Variants in HAPLN3 observed in about 807,000 individuals in gnomAD.
HAPLN3 encodes hyaluronan and proteoglycan link protein 3.
Under a neutral mutation model 28.1 loss-of-function variants are expected in HAPLN3, and 28 were observed. The ratio of observed to expected loss-of-function variants is 1.00; its 90% CI spans 0.74 to 1.37. HAPLN3 has a LOEUF of 1.37. Among genes scored for constraint, HAPLN3 ranks in the 40% most tolerant of loss-of-function variants. The pLI is 0.00. For synonymous variants in HAPLN3, 211 were observed against 213.1 expected, an observed-to-expected ratio of 0.99 and a Z score of 0.09; for missense variants, 513 against 504.6, an observed-to-expected ratio of 1.02 and a Z score of -0.16.
chr15:88,892,104 C>T (rs1400458560), intron 1 of HAPLN3, among the ~76,000 whole-genome samples: 1 of 152,196 alleles, frequency 6.6e-6, no homozygotes, highest in Non-Finnish European at 1.5e-5. Context: ...AGTAACACCT[C>T]TTTGTTGGAT....
At chr15:88,894,875 G>C (rs948210835) in intron 1 of HAPLN3, among the ~76,000 whole-genome samples, 1 of 152,128 alleles carries the variant, frequency 6.6e-6, no homozygotes, top group Non-Finnish European at 1.5e-5. Context: ...TTCTGGCCTC[G>C]CTGTCCCTGG....
chr15:88,895,285 C>T lies in HAPLN3; in HGVS notation c.-48+174G>A, dbSNP rs1286378521. Among the ~76,000 whole-genome samples the T allele has an allele frequency of 2.0e-5, 3 of 152,204 alleles. No individual in the cohort carries two copies. Among genetic ancestry groups the T allele is most frequent in the East Asian group, 3.9e-4 (2 of 5,180 alleles). On this transcript the variant is annotated intron_variant, in intron 1 of 4. Coordinates refer to ENST00000359595, the MANE Select transcript of HAPLN3 (RefSeq NM_178232.4). The surrounding 1 kb of genome is among the most constrained non-coding windows in gnomAD (Gnocchi z 5.5). ...CCACTTGTGCCCCGGGCGCCCCTCG[C>T]CCGCGATCACAGCCCATCTCAGCCC... is the stretch of plus-strand genomic sequence containing the variant.
Position 88,880,238 on chromosome 15 carries a change from C to A in HAPLN3, c.494-969G>T. The A allele has an allele frequency of 1.0e-6, 1 of 1,004,382 alleles. No individual in the cohort carries two copies. Among genetic ancestry groups the A allele is most frequent in the African/African-American group, 1.7e-5 (1 of 57,654 alleles). The allele number at this position is 1,004,382 out of a possible 1,614,324, so 62.2% of individuals were successfully genotyped here. A position where few individuals can be genotyped will look rare whatever the true frequency, so the allele number is the denominator to read the frequency against. On this transcript the variant is annotated intron_variant, in intron 3 of 4. Coordinates refer to ENST00000359595, the MANE Select transcript of HAPLN3 (RefSeq NM_178232.4). This position sits in a 1 kb window ranked among gnomAD's most constrained non-coding sequence, Gnocchi z 6.0. ...GGAATGGGGTGAGGGCTCCCTGTTTCTCTAGGCTGCCCCTGCAGACCCCAG... is the reference window on the plus strand; with the variant it reads ...GGAATGGGGTGAGGGCTCCCTGTTTATCTAGGCTGCCCCTGCAGACCCCAG...
rs1182418452 is a variant in HAPLN3 at position 88,881,942 on chromosome 15, C to T, written c.125-217G>A. 1.3e-5 allele frequency among the ~76,000 whole-genome samples: 2 copies of T among 152,186 alleles called. No individual in the cohort carries two copies. Among genetic ancestry groups the T allele is most frequent in the Non-Finnish European group, 2.9e-5 (2 of 68,030 alleles). On this transcript the variant is annotated intron_variant, in intron 2 of 4. Transcript: ENST00000359595. This position sits in a 1 kb window ranked among gnomAD's most constrained non-coding sequence, Gnocchi z 6.0. Reference sequence around the variant, plus strand: ...ATTCCCCCACCCCCTTGAATCTGTGCTGGCCTTGCCACTTGCTTGACCAAC... The same window carrying T: ...ATTCCCCCACCCCCTTGAATCTGTGTTGGCCTTGCCACTTGCTTGACCAAC...
rs570089868 is a variant in HAPLN3 at position 88,886,982 on chromosome 15, G to C, written c.124+193C>G. 5.3e-5 allele frequency among the ~76,000 whole-genome samples: 8 copies of C among 152,278 alleles called. No individual in the cohort carries two copies. In the South Asian group the frequency reaches 1.4e-3, roughly 28 times the overall value. On this transcript the variant is annotated intron_variant, in intron 2 of 4. Transcript: ENST00000359595. Reference sequence around the variant, plus strand: ...GCCTAAGTGAATTGGGCCCCATGACGAAGGGGCTGGCGAACACAGGAAAAT... The same window carrying C: ...GCCTAAGTGAATTGGGCCCCATGACCAAGGGGCTGGCGAACACAGGAAAAT...
Position 88,887,386 on chromosome 15 carries a change from C to T in HAPLN3, c.-47-41G>A, listed in dbSNP as rs537375803. 6.5e-6 allele frequency: 10 copies of T among 1,539,484 alleles called. No individual in the cohort carries two copies. The East Asian group carries it at 2.2e-4, about 33-fold the overall frequency. On this transcript the variant is annotated intron_variant, in intron 1 of 4. Transcript: ENST00000359595. The stretch of plus-strand genomic sequence containing the variant: ...AAACAAGGCAATTAGAAAAGCCTGG[C>T]TTCCAGGGCCCACATCCCCTCTGCT...
chr15:88,884,768 C>G (rs181790210), intron 2 of HAPLN3, among the ~76,000 whole-genome samples: 40 of 151,778 alleles, frequency 2.6e-4, no homozygotes, highest in Non-Finnish European at 1.0e-4. Flanking sequence ...AATGCAAATG[C>G]GCAAGTACCT....
chr15:88,892,528 A>G (rs1004998162), intron 1 of HAPLN3, among the ~76,000 whole-genome samples: 8 of 152,116 alleles, frequency 5.3e-5, no homozygotes, highest in African/African-American at 1.9e-4. Context: ...ACAAAAGGCC[A>G]GGAGGAAGCT....
intron 2 of HAPLN3, among the ~76,000 whole-genome samples, chr15:88,882,476 C>G (rs1897732266): frequency 2.0e-5 from 3 of 152,236 alleles, no homozygotes; most frequent in Non-Finnish European, 4.4e-5. Flanking sequence ...TCTGGTCCAG[C>G]TGTCCACCAT....
rs1170207299 is a variant in HAPLN3 at position 88,878,169 on chromosome 15, T to A, written c.884A>T (p.Lys295Met). The A allele has an allele frequency of 1.2e-6, 2 of 1,614,184 alleles. No homozygotes were observed. Among genetic ancestry groups the A allele is most frequent in the South Asian group, 2.2e-5 (2 of 91,082 alleles). ...ACQEDDATIA[K>M]VGQLFAAWKF... ...CCAGGCGGCAAAGAGCTGTCCCACCTTGGCGATCGTGGCATCATCTTCCTG... is the reference window on the plus strand; with the variant it reads ...CCAGGCGGCAAAGAGCTGTCCCACCATGGCGATCGTGGCATCATCTTCCTG... The change falls in exon 5 of 5, where the codon AAG becomes ATG. Residue 295 changes from lysine (K) to methionine (M), a missense_variant. Lys to Met is a moderately conservative substitution (Grantham distance 95). Transcript: ENST00000359595.
At chr15:88,893,715 G>T (rs1461334045) in intron 1 of HAPLN3, among the ~76,000 whole-genome samples, 2 of 151,996 alleles carry the variant, frequency 1.3e-5, no homozygotes, top group African/African-American at 4.8e-5. Flanking sequence ...ATCACCTGAG[G>T]TCAAGAGTTC....
chr15:88,889,217 G>A lies in HAPLN3; in HGVS notation c.-47-1872C>T, dbSNP rs74552179. Among the ~76,000 whole-genome samples, 906 of 152,212 alleles carry A rather than the reference G, an allele frequency of 6.0e-3. 4 individuals carry two copies. The highest frequency in any genetic ancestry group is 9.5e-3 in the Non-Finnish European group (646 of 68,008). On this transcript the variant is annotated intron_variant, in intron 1 of 4. Transcript: ENST00000359595. ...TTCCTCCATTAAAGTCTCTTTATTG[G>A]AATCATCTGGGCTGAATTCTGCTTC...
At position 88,881,449 on chromosome 15, in the gene HAPLN3, T is replaced by C. The variant is rs760055497; in HGVS notation, c.401A>G (p.Gln134Arg). Residue 134 changes from glutamine to arginine, a missense_variant, in exon 3 of 5, where the codon CAG (glutamine) becomes CGG (arginine). Physicochemically the swap from Gln to Arg is conservative, Grantham distance 43 (BLOSUM62 1). Coordinates refer to ENST00000359595, the MANE Select transcript of HAPLN3 (RefSeq NM_178232.4). The surrounding 1 kb of genome is among the most constrained non-coding windows in gnomAD (Gnocchi z 6.0). Reference sequence around the variant, plus strand: ...CCCATAGTCCTCCAGCCGCAGATCCTGGATCTCCAGCGAGACGTCATGCTC... The same window carrying C: ...CCCATAGTCCTCCAGCCGCAGATCCCGGATCTCCAGCGAGACGTCATGCTC... ...DKEHDVSLEI[Q>R]DLRLEDYGRY... The C allele has an allele frequency of 6.2e-7, 1 of 1,614,064 alleles. No homozygotes were observed. The highest frequency in any genetic ancestry group is 8.5e-7 in the Non-Finnish European group (1 of 1,180,016).
chr15:88,886,826 AAAAC>A (rs1016606665), intron 2 of HAPLN3, among the ~76,000 whole-genome samples: 1 of 152,230 alleles, frequency 6.6e-6, no homozygotes, highest in African/African-American at 2.4e-5. Flanking sequence ...CTTTATCTCA[AAAAC>A]AAACAAAAAA....
intron 2 of HAPLN3, among the ~76,000 whole-genome samples, chr15:88,884,748 G>A (rs774136593): frequency 6.6e-6 from 1 of 152,036 alleles, no homozygotes; most frequent in African/African-American, 2.4e-5. Context: ...AATTTCCCAG[G>A]TGGGCCCTAA....
At chr15:88,885,345 A>G (rs1376355361) in intron 2 of HAPLN3, among the ~76,000 whole-genome samples, 2 of 152,168 alleles carry the variant, frequency 1.3e-5, no homozygotes, top group Non-Finnish European at 2.9e-5. Context: ...GTGTGATCTC[A>G]GCTTACTGCA....
rs1897889753 is a variant in HAPLN3, at chr15:88,887,318, C to T, written c.-20G>A. 1.2e-6 allele frequency: 2 copies of T among 1,613,634 alleles called. No individual in the cohort carries two copies. Among genetic ancestry groups the T allele is most frequent in the Non-Finnish European group, 1.7e-6 (2 of 1,179,762 alleles). ...GCCCATCTCCTCATGCCAGGGTGAC[C>T]CGGGCCAGGCTGGGGCCCCAGGGCA... On this transcript the variant is annotated 5_prime_UTR_variant, in exon 2 of 5. Coordinates refer to ENST00000359595, the MANE Select transcript of HAPLN3 (RefSeq NM_178232.4).
rs185927447 is a variant in HAPLN3, at chr15:88,884,851, C to T, written c.124+2324G>A. Among the ~76,000 whole-genome samples, 5 of 152,228 alleles carry T rather than the reference C, an allele frequency of 3.3e-5. No individual in the cohort carries two copies. In the East Asian group the frequency reaches 7.7e-4, roughly 24 times the overall value. On this transcript the variant is annotated intron_variant, in intron 2 of 4. Coordinates refer to ENST00000359595, the MANE Select transcript of HAPLN3 (RefSeq NM_178232.4). ...CACGTGACCAAGGAGGCAGAGCCTG[C>T]AGTGAGGCAGCTACAGCCAAGGAAT...
At chr15:88,889,481 A>G (rs570449196) in intron 1 of HAPLN3, among the ~76,000 whole-genome samples, 15 of 152,306 alleles carry the variant, frequency 9.8e-5, no homozygotes, top group African/African-American at 3.6e-4. Flanking sequence ...GATTACAGGC[A>G]TGCGCCAACA....
Sources: gnomAD v4.1 joint callset for allele counts (sites outside exome capture counted in the v4.1 genomes callset) on GRCh38, gnomAD v4.1.1 for gene constraint, Gnocchi (gnomAD v3.1) non-coding constraint, MANE v1.5 for transcripts, NCBI Gene and HGNC (gene_info 2026-07-23, HGNC 2026-07-21) for gene names.